Variants in DENND1A observed in about 807,000 individuals in gnomAD.
DENND1A encodes DENN domain containing 1A, also known as DENN domain-containing protein 1A.
Under a neutral mutation model 113.7 loss-of-function variants are expected in DENND1A, and 51 were observed. That is an observed-to-expected ratio of 0.45 (90% CI 0.36 to 0.57). The LOEUF is 0.57. Ranked by LOEUF, DENND1A falls within the 20% of genes least tolerant of loss-of-function variation. The pLI is 0.00. For synonymous variants in DENND1A, 565 were observed against 570.8 expected (o/e 0.99, Z 0.14); for missense variants, 1,258 against 1,395.9 (o/e 0.90, Z 1.57).
intron 3 of DENND1A, among the ~76,000 whole-genome samples, chr9:123,769,983 G>A (rs1001947102): frequency 6.6e-6 from 1 of 152,224 alleles, no homozygotes; most frequent in East Asian, 1.9e-4. Context: ...GAACAGAGGG[G>A]GCCAGGATTA....
chr9:123,444,913 C>T (rs1256694175), intron 18 of DENND1A, among the ~76,000 whole-genome samples: 2 of 152,192 alleles, frequency 1.3e-5, no homozygotes, highest in Non-Finnish European at 2.9e-5. Flanking sequence ...GAGGAAGACG[C>T]CAGACAGAGC....
chr9:123,413,600 A>G, intron 19 of DENND1A: 1 of 985,466 alleles, frequency 1.0e-6, no homozygotes, highest in Middle Eastern at 5.2e-4. Flanking sequence ...GGGTCCAGGG[A>G]CTTGGTGGAG....
At chr9:123,586,110 G>A (rs2059150868) in intron 11 of DENND1A, among the ~76,000 whole-genome samples, 1 of 152,012 alleles carries the variant, frequency 6.6e-6, no homozygotes, top group South Asian at 2.1e-4. Context: ...CAACATCCTG[G>A]AGGACGTGAT....
intron 10 of DENND1A, among the ~76,000 whole-genome samples, chr9:123,613,187 C>T (rs941272193): frequency 3.3e-5 from 5 of 152,182 alleles, no homozygotes; most frequent in Admixed American, 6.5e-5. Context: ...CAGGAGGGTG[C>T]CTTTCCTTTC....
intron 10 of DENND1A, among the ~76,000 whole-genome samples, chr9:123,617,625 G>A (rs999942370): frequency 6.6e-6 from 1 of 152,226 alleles, no homozygotes; most frequent in Non-Finnish European, 1.5e-5. Context: ...GCCCTTTTGA[G>A]CCTCCTTGGC....
chr9:123,455,826 C>T (rs1390851572), intron 15 of DENND1A, among the ~76,000 whole-genome samples: 5 of 152,202 alleles, frequency 3.3e-5, no homozygotes, highest in Non-Finnish European at 5.9e-5. Context: ...CACATGCAAC[C>T]GTTAGAACAC....
In DENND1A at chr9:123,512,005, G is replaced by A. The variant is rs1020230457; in HGVS notation, c.993+45565C>T. 2.6e-5 allele frequency among the ~76,000 whole-genome samples: 4 copies of A among 152,202 alleles called. No homozygotes were observed. In the East Asian group the frequency reaches 7.7e-4, roughly 29 times the overall value. ...CAAAATCAGAGAGGAAAATGACAAA[G>A]GGAGAGAGGAGAAGAATACAGAGGA... On this transcript the variant is annotated intron_variant, in intron 13 of 23. Coordinates refer to ENST00000394215, the MANE Select transcript of DENND1A (RefSeq NM_001352964.2).
intron 11 of DENND1A, among the ~76,000 whole-genome samples, chr9:123,587,784 G>A (rs988799199): frequency 6.6e-6 from 1 of 152,168 alleles, no homozygotes; most frequent in Non-Finnish European, 1.5e-5. Flanking sequence ...ATAATCAGGA[G>A]CATTTCATCT....
At chr9:123,901,665 G>A (rs1467674778) in intron 1 of DENND1A, among the ~76,000 whole-genome samples, 1 of 152,148 alleles carries the variant, frequency 6.6e-6, no homozygotes, top group Non-Finnish European at 1.5e-5. Flanking sequence ...ATGTGGTTGT[G>A]AAGACCTTCT....
intron 1 of DENND1A, among the ~76,000 whole-genome samples, chr9:123,914,102 C>T (rs1854607735): frequency 6.6e-6 from 1 of 151,824 alleles, no homozygotes; most frequent in Non-Finnish European, 1.5e-5. Flanking sequence ...TCTTAAGGAT[C>T]ATGCACTTTG....
chr9:123,715,633 G>A (rs183781966), intron 5 of DENND1A, among the ~76,000 whole-genome samples: 1 of 152,220 alleles, frequency 6.6e-6, no homozygotes, highest in East Asian at 1.9e-4. Context: ...TATATGTCTA[G>A]AGCTCAGAGA....
At chr9:123,564,179 A>G (rs947227186) in intron 12 of DENND1A, among the ~76,000 whole-genome samples, 3 of 152,220 alleles carry the variant, frequency 2.0e-5, no homozygotes, top group African/African-American at 7.2e-5. Context: ...AGCAGTTTAC[A>G]TGTCTTTCTC....
At chr9:123,649,919 C>G (rs1258611168) in intron 9 of DENND1A, among the ~76,000 whole-genome samples, 1 of 152,174 alleles carries the variant, frequency 6.6e-6, no homozygotes, top group East Asian at 1.9e-4. Flanking sequence ...CTAAGGCTGT[C>G]GTAGTAAGGA....
intron 1 of DENND1A, among the ~76,000 whole-genome samples, chr9:123,895,600 C>A (rs1241668584): frequency 6.8e-6 from 1 of 146,534 alleles, no homozygotes; most frequent in Admixed American, 6.9e-5. Flanking sequence ...CCAGCCTGGG[C>A]GATAGAGTGA....
intron 23 of DENND1A, among the ~76,000 whole-genome samples, chr9:123,383,402 C>A (rs577989670): frequency 2.0e-5 from 3 of 152,320 alleles, no homozygotes; most frequent in South Asian, 2.1e-4. Flanking sequence ...CACCCGCCCC[C>A]CCGTCTGATG....
At chr9:123,410,170 C>A (rs537211151) in intron 20 of DENND1A, among the ~76,000 whole-genome samples, 10 of 152,352 alleles carry the variant, frequency 6.6e-5, no homozygotes, top group African/African-American at 2.4e-4. Flanking sequence ...TTCCTTCTCA[C>A]AAAACCCCTC....
chr9:123,689,879 C>T (rs2065052915), intron 5 of DENND1A, among the ~76,000 whole-genome samples: 1 of 151,798 alleles, frequency 6.6e-6, no homozygotes, highest in African/African-American at 2.4e-5. Context: ...GCCTCAGCTA[C>T]TCAGGAGGCT....
At chr9:123,763,275 TG>T (rs2071198351) in intron 4 of DENND1A, among the ~76,000 whole-genome samples, 1 of 152,138 alleles carries the variant, frequency 6.6e-6, no homozygotes, top group Non-Finnish European at 1.5e-5. Context: ...GACTGGATGG[TG>T]GCTTAACTCA....
At chr9:123,755,244 AC>A (rs1185118598) in intron 5 of DENND1A, among the ~76,000 whole-genome samples, 2 of 149,378 alleles carry the variant, frequency 1.3e-5, no homozygotes, top group South Asian at 4.2e-4. Flanking sequence ...TGCCTCAGCC[AC>A]CCAAGTAGTT....
Sources: gnomAD v4.1 joint callset for allele counts (sites outside exome capture counted in the v4.1 genomes callset) on GRCh38, gnomAD v4.1.1 for gene constraint, MANE v1.5 for transcripts, NCBI Gene and HGNC (gene_info 2026-07-23, HGNC 2026-07-21) for gene names.